The following PDILT variants were observed in gnomAD, a reference collection of about 807,000 sequenced individuals.
The protein encoded by PDILT is protein disulfide-isomerase-like protein of the testis.
In PDILT, 43 loss-of-function variants were observed where a neutral mutation model predicts 53.7. The ratio of observed to expected loss-of-function variants is 0.80; its 90% confidence interval spans 0.63 to 1.03. The LOEUF is 1.03. PDILT is among the 50% of genes least tolerant of loss of function. The pLI, the probability that PDILT is intolerant of heterozygous loss-of-function variation, is 0.00. For missense variants in PDILT, 727 were observed against 712.3 expected, an observed-to-expected ratio of 1.02 and a Z score of -0.24; for synonymous variants, 282 against 274.2, an observed-to-expected ratio of 1.03 and a Z score of -0.28.
In PDILT at chr16:20,372,960, C is replaced by T. The variant is rs1325415341; in HGVS notation, c.793-33G>A. On this transcript the variant is annotated intron_variant, in intron 6 of 11. Transcript: ENST00000302451. ...GACCAGGAAAATATGTCATCCCAAGCACACACAGTGGCCCCAGCTCCCCTT... is the reference window on the plus strand; with the variant it reads ...GACCAGGAAAATATGTCATCCCAAGTACACACAGTGGCCCCAGCTCCCCTT... The T allele has an allele frequency of 4.3e-6, 7 of 1,613,570 alleles. No individual in the cohort carries two copies. In the African/African-American group the frequency reaches 6.7e-5, roughly 15 times the overall value.
chr16:20,373,641 A>G (rs191171015), intron 5 of PDILT, among the ~76,000 whole-genome samples: 76 of 152,354 alleles, frequency 5.0e-4, no homozygotes, highest in East Asian at 1.3e-3. Flanking sequence ...CTAGACTGTC[A>G]TAGCCTACAC....
At position 20,359,219 on chromosome 16, in the gene PDILT, AC is replaced by A. The variant is rs1419993159; in HGVS notation, c.*99del. The A allele has an allele frequency of 2.6e-6, 4 of 1,532,368 alleles. No individual in the cohort carries two copies. In the Admixed American group the frequency reaches 7.9e-5, roughly 30 times the overall value. 94.9% of individuals were successfully genotyped at this position (1,532,368 alleles called of 1,614,324 possible). ...ATCCACCCCTACCCCCGCCCCACCTACCCTACCACAATGATATATGCTTTTA... is the reference window on the plus strand; with the variant it reads ...ATCCACCCCTACCCCCGCCCCACCTACCTACCACAATGATATATGCTTTTA... On this transcript the variant is annotated 3_prime_UTR_variant, in exon 12 of 12. Coordinates refer to ENST00000302451, the MANE Select transcript of PDILT (RefSeq NM_174924.2).
At chr16:20,385,138 G>A (rs1325300613) in intron 2 of PDILT, among the ~76,000 whole-genome samples, 2 of 152,202 alleles carry the variant, frequency 1.3e-5, no homozygotes, top group Middle Eastern at 3.2e-3. Context: ...TAAAGTGGGT[G>A]AAAATAATAG....
chr16:20,367,033 T>TTCTTTCTTTTCTC (rs1567320674), intron 8 of PDILT, among the ~76,000 whole-genome samples: 14 of 10,694 alleles, frequency 1.3e-3, no homozygotes, highest in African/African-American at 4.1e-3. Context: ...TCTTCTTTCT[T>TTCTTTCTTTTCTC]TCTTTCTTTC....
chr16:20,399,019 T>A (rs1371540300), intron 2 of PDILT, 80 bp downstream of exon 2: 16 of 1,467,474 alleles, frequency 1.1e-5, no homozygotes, highest in African/African-American at 1.4e-5. Flanking sequence ...TAGCAATATA[T>A]AAAACTCTTC....
intron 2 of PDILT, among the ~76,000 whole-genome samples, chr16:20,393,906 A>T (rs1207966485): frequency 6.6e-6 from 1 of 152,244 alleles, no homozygotes; most frequent in Non-Finnish European, 1.5e-5. Context: ...GAGCTGATGC[A>T]CATTCAGTTT....
rs5816105 is a variant in PDILT at position 20,361,205 on chromosome 16, T to TTTTTTTTTTTTTTTG, written c.1417-549_1417-548insCAAAAAAAAAAAAAA. Among the ~76,000 whole-genome samples the TTTTTTTTTTTTTTTG allele has an allele frequency of 1.3e-4, 18 of 134,804 alleles. 1 individual carries two copies. Among genetic ancestry groups the TTTTTTTTTTTTTTTG allele is most frequent in the South Asian group, 4.6e-4 (2 of 4,370 alleles). 88.4% of individuals were successfully genotyped at this position (134,804 alleles called of 152,430 possible). A position where few individuals can be genotyped will look rare whatever the true frequency, so the allele number is the denominator to read the frequency against. ...TCCCTTTCCTCTTTTTTTTTTTTTT[T>TTTTTTTTTTTTTTTG]ATATGGAATCTTGCTCTGTCACCAT... On this transcript the variant is annotated intron_variant, in intron 10 of 11. Transcript: ENST00000302451.
chr16:20,369,537 T>C lies in PDILT; in HGVS notation c.1071A>G (p.Glu357=). The change falls in exon 8 of 12, where the codon GAA becomes GAG. Residue 357 remains glutamate, a synonymous_variant. Coordinates refer to ENST00000302451, the MANE Select transcript of PDILT (RefSeq NM_174924.2). The stretch of plus-strand genomic sequence containing the variant: ...AGCTGCGGCCAAATTTCTTGAGGCT[T>C]TCGTAGGTTATGTCATCTGAAGGCA... ...YKMPSDDITY[E]SLKKFGRSFL... is the part of the protein sequence containing the mutation. The C allele has an allele frequency of 6.2e-7, 1 of 1,614,216 alleles. No homozygotes were observed. The highest frequency in any genetic ancestry group is 8.5e-7 in the Non-Finnish European group (1 of 1,180,038).
rs749537344 is a variant in PDILT at position 20,384,861 on chromosome 16, T to C, written c.203-10A>G. 2.3e-5 allele frequency: 37 copies of C among 1,613,290 alleles called. No homozygotes were observed. Among genetic ancestry groups the C allele is most frequent in the Admixed American group, 6.7e-5 (4 of 59,980 alleles). ...TTTGAGGATGGGTTGTCTGAAAGAG[T>C]ATGAAGACAAAATTTGAGAGGCCTT... On this transcript the variant is annotated splice_polypyrimidine_tract_variant and intron_variant, in intron 2 of 11. Coordinates refer to ENST00000302451, the MANE Select transcript of PDILT (RefSeq NM_174924.2).
intron 7 of PDILT, among the ~76,000 whole-genome samples, chr16:20,371,939 T>C (rs1393181485): frequency 1.3e-5 from 2 of 152,192 alleles, no homozygotes; most frequent in East Asian, 3.8e-4. Flanking sequence ...CCATTACTTG[T>C]GTTATATTCT....
At chr16:20,378,491 A>T (rs1966417473) in intron 3 of PDILT, among the ~76,000 whole-genome samples, 2 of 151,920 alleles carry the variant, frequency 1.3e-5, no homozygotes, top group Non-Finnish European at 2.9e-5. Context: ...TGTGTAGAAC[A>T]TGCAGGTCTG....
At chr16:20,391,219 T>A (rs1222819006) in intron 2 of PDILT, 2 of 166,132 alleles carry the variant, frequency 1.2e-5, no homozygotes, top group Non-Finnish European at 2.7e-5. Context: ...ATCATCATCA[T>A]AATCGTCATC....
rs749123106 is a variant in PDILT at position 20,372,756 on chromosome 16, G to A, written c.918+46C>T. The A allele has an allele frequency of 1.9e-6, 3 of 1,596,022 alleles. No homozygotes were observed. The Admixed American group carries it at 5.1e-5, about 27-fold the overall frequency. On this transcript the variant is annotated intron_variant, in intron 7 of 11. Transcript: ENST00000302451. Reference sequence around the variant, plus strand: ...ATGGGCTCAGGGTCTGCAGGTCTTGGATCCTCATCCAGGAGTCCCAGAGAG... The same window carrying A: ...ATGGGCTCAGGGTCTGCAGGTCTTGAATCCTCATCCAGGAGTCCCAGAGAG...
intron 5 of PDILT, 65 bp from the exon 6 acceptor site, chr16:20,373,187 T>A: frequency 1.5e-6 from 2 of 1,292,260 alleles, no homozygotes; most frequent in Non-Finnish European, 2.2e-6. Context: ...TTAATAAATA[T>A]AAATAGCACA....
At chr16:20,403,319 T>C (rs553464416) in intron 1 of PDILT, among the ~76,000 whole-genome samples, 7 of 152,300 alleles carry the variant, frequency 4.6e-5, no homozygotes, top group Admixed American at 2.0e-4. Flanking sequence ...GACAGAGTTT[T>C]GCTCTTGTTG....
intron 1 of PDILT, among the ~76,000 whole-genome samples, chr16:20,403,297 T>A (rs1013919266): frequency 2.0e-4 from 31 of 152,168 alleles, no homozygotes; most frequent in African/African-American, 7.2e-4. Flanking sequence ...TATTTTTATT[T>A]TTATTGTTTG....
chr16:20,374,790 A>G, intron 5 of PDILT, 32 bp downstream of exon 5: 1 of 1,590,842 alleles, frequency 6.3e-7, no homozygotes, highest in East Asian at 2.2e-5. Flanking sequence ...TGAACCAGAG[A>G]CCTCTCACTA....
chr16:20,370,129 T>C (rs1181307666), intron 7 of PDILT, among the ~76,000 whole-genome samples: 2 of 152,232 alleles, frequency 1.3e-5, no homozygotes, highest in African/African-American at 4.8e-5. Context: ...AAAATTATTC[T>C]ATCAAGGAAA....
intron 7 of PDILT, 105 bp from the exon 8 acceptor site, chr16:20,369,794 G>A: frequency 8.9e-7 from 1 of 1,122,122 alleles, no homozygotes; most frequent in Non-Finnish European, 1.3e-6. Flanking sequence ...GGTCTGTGGA[G>A]CACCTCTGCA....
Sources: allele counts gnomAD v4.1 joint callset (sites outside exome capture counted in the v4.1 genomes callset), GRCh38; gene constraint gnomAD v4.1.1; transcripts MANE v1.5; gene names NCBI Gene and HGNC (gene_info 2026-07-23, HGNC 2026-07-21).